Variants in GALNT2 observed in about 807,000 individuals in gnomAD.
GALNT2 encodes UDP-GalNAc:polypeptide N-acetylgalactosaminyltransferase 2.
GALNT2 carries 31 observed loss-of-function variants against 81.4 expected under a neutral mutation model. That is an observed-to-expected ratio of 0.38 (90% CI 0.29 to 0.51). The LOEUF (loss-of-function observed/expected upper bound fraction) is 0.51, where lower values mean the gene tolerates loss of function less well. Ranked by LOEUF, GALNT2 falls within the 20% of genes least tolerant of loss-of-function variation. The pLI is 0.87. For missense variants in GALNT2, 629 were observed against 765.7 expected, an observed-to-expected ratio of 0.82 and a Z score of 2.11; for synonymous variants, 303 against 287.4, an observed-to-expected ratio of 1.05 and a Z score of -0.55.
At chr1:230,132,025 A>G (rs1218042720) in intron 1 of GALNT2, among the ~76,000 whole-genome samples, 1 of 152,218 alleles carries the variant, frequency 6.6e-6, no homozygotes, top group Non-Finnish European at 1.5e-5. Flanking sequence ...GAAGGGCTGT[A>G]GAAGCTTAGG....
chr1:230,191,456 C>T (rs1009969557), intron 2 of GALNT2, among the ~76,000 whole-genome samples: 1 of 152,142 alleles, frequency 6.6e-6, no homozygotes, highest in African/African-American at 2.4e-5. Context: ...CTTTTTTTCT[C>T]TTTTTATTTG....
intron 1 of GALNT2, among the ~76,000 whole-genome samples, chr1:230,107,660 T>G (rs1163834517): frequency 7.1e-6 from 1 of 141,120 alleles, no homozygotes; most frequent in Non-Finnish European, 1.6e-5. Flanking sequence ...TTGGTTGGTT[T>G]AAGCCATGGA....
At chr1:230,191,184 A>G (rs1256878224) in intron 2 of GALNT2, among the ~76,000 whole-genome samples, 1 of 152,242 alleles carries the variant, frequency 6.6e-6, no homozygotes, top group Non-Finnish European at 1.5e-5. Context: ...GTCTAGAAGC[A>G]GTCACGTGAC....
chr1:230,220,405 A>T (rs1664510242), intron 3 of GALNT2, among the ~76,000 whole-genome samples: 1 of 152,140 alleles, frequency 6.6e-6, no homozygotes, highest in African/African-American at 2.4e-5. Flanking sequence ...ACCAGAGCCT[A>T]CTTTTGGGTT....
intron 1 of GALNT2, among the ~76,000 whole-genome samples, chr1:230,129,770 GC>G (rs934284600): frequency 6.6e-6 from 1 of 152,232 alleles, no homozygotes; most frequent in African/African-American, 2.4e-5. Flanking sequence ...TCTGCATGCT[GC>G]TGGGGGTTGG....
At chr1:230,073,280 C>T (rs1264012073) in intron 1 of GALNT2, among the ~76,000 whole-genome samples, 2 of 152,194 alleles carry the variant, frequency 1.3e-5, no homozygotes, top group African/African-American at 2.4e-5. Context: ...ATGATGAACC[C>T]AGTATGGAGT....
chr1:230,067,160 G>A (rs1021561591), upstream of GALNT2: 13 of 439,812 alleles, frequency 3.0e-5, no homozygotes, highest in Non-Finnish European at 4.3e-5. Flanking sequence ...CGCGCGGGAG[G>A]AGGAGCCGCC....
At position 230,271,956 on chromosome 1, in the gene GALNT2, G is replaced by A. The variant is rs550935218; in HGVS notation, c.1441-2489G>A. On this transcript the variant is annotated intron_variant, in intron 14 of 15. Transcript: ENST00000366672. This position sits in a 1 kb window ranked among gnomAD's most constrained non-coding sequence, Gnocchi z 4.2. Reference sequence around the variant, plus strand: ...CCTGGTCTTTCTGGTGACCAGCCCCGTCCAGGAGCCCATTAGAGTTGCTTC... The same window carrying A: ...CCTGGTCTTTCTGGTGACCAGCCCCATCCAGGAGCCCATTAGAGTTGCTTC... Among the ~76,000 whole-genome samples, 7 of 152,244 alleles carry A rather than the reference G, an allele frequency of 4.6e-5. No homozygotes were observed. The highest frequency in any genetic ancestry group is 3.4e-3 in the Middle Eastern group (1 of 294).
chr1:230,111,985 G>T (rs549786083), intron 1 of GALNT2, among the ~76,000 whole-genome samples: 1 of 151,828 alleles, frequency 6.6e-6, no homozygotes, highest in South Asian at 2.1e-4. Flanking sequence ...AGCCTACTGT[G>T]CAGGCTGGCT....
chr1:230,188,714 C>A (rs377133344), intron 2 of GALNT2, among the ~76,000 whole-genome samples: 2 of 152,168 alleles, frequency 1.3e-5, no homozygotes, highest in East Asian at 1.9e-4. Context: ...AACTCTGTGA[C>A]CCTTGCTTCT....
At chr1:230,094,107 C>T (rs1319411313) in intron 1 of GALNT2, among the ~76,000 whole-genome samples, 3 of 152,038 alleles carry the variant, frequency 2.0e-5, no homozygotes, top group African/African-American at 4.8e-5. Flanking sequence ...AAGCAATCCT[C>T]CTGCCTCAGC....
intron 3 of GALNT2, among the ~76,000 whole-genome samples, chr1:230,215,495 G>C (rs1416151889): frequency 6.6e-6 from 1 of 152,184 alleles, no homozygotes; most frequent in Non-Finnish European, 1.5e-5. Flanking sequence ...TTAGTGAGTA[G>C]GTTGGTCTAC....
Position 230,246,116 on chromosome 1 carries a change from T to C in GALNT2, c.783T>C (p.Phe261=). Residue 261 remains phenylalanine, a synonymous_variant, in exon 8 of 16, where the codon TTT becomes TTC. Coordinates refer to ENST00000366672, the MANE Select transcript of GALNT2 (RefSeq NM_004481.5). ...PIIDVINMDN[F]QYVGASADLK... ...TCGATGTCATTAATATGGACAACTTTCAGTATGTGGGGGCATCTGCTGACT... is the reference window on the plus strand; with the variant it reads ...TCGATGTCATTAATATGGACAACTTCCAGTATGTGGGGGCATCTGCTGACT... 1 of 1,614,088 alleles carries C rather than the reference T, an allele frequency of 6.2e-7. No individual in the cohort carries two copies. The highest frequency in any genetic ancestry group is 8.5e-7 in the Non-Finnish European group (1 of 1,179,994).
At position 230,262,578 on chromosome 1, in the gene GALNT2, C is replaced by T; in HGVS notation, c.1142C>T (p.Thr381Ile). ...AAGATTTATTTTCTTTCTAGAAACA[C>T]CCGCCGGGCAGCAGAGGTCTGGATG... ...GGSGTVFARN[T>I]RRAAEVWMDE... Residue 381 changes from threonine to isoleucine, a missense_variant, in exon 12 of 16, where the codon ACC (threonine) becomes ATC (isoleucine). By Grantham distance (89) the Thr-to-Ile change is moderately conservative. Transcript: ENST00000366672. The T allele has an allele frequency of 6.2e-7, 1 of 1,613,686 alleles. No individual in the cohort carries two copies. The highest frequency in any genetic ancestry group is 8.5e-7 in the Non-Finnish European group (1 of 1,179,586).
chr1:230,111,033 A>C (rs1032603838), intron 1 of GALNT2, among the ~76,000 whole-genome samples: 1 of 152,186 alleles, frequency 6.6e-6, no homozygotes, highest in East Asian at 1.9e-4. Context: ...GTGTACGTAT[A>C]TATACTGTGC....
intron 1 of GALNT2, among the ~76,000 whole-genome samples, chr1:230,099,943 G>A (rs767445020): frequency 6.6e-6 from 1 of 152,172 alleles, no homozygotes; most frequent in Non-Finnish European, 1.5e-5. Context: ...TTGGTGTTGC[G>A]GGCACAGCAC....
At position 230,193,321 on chromosome 1, in the gene GALNT2, A is replaced by G. The variant is rs1572070357; in HGVS notation, c.221-9816A>G. ...CAACGGGACCTGCATCCAGGAAGAT[A>G]CCTCCCCTCCCCTTGTACACCTGCG... is the stretch of plus-strand genomic sequence containing the variant. On this transcript the variant is annotated intron_variant, in intron 2 of 15. Coordinates refer to ENST00000366672, the MANE Select transcript of GALNT2 (RefSeq NM_004481.5). This position sits in a 1 kb window ranked among gnomAD's most constrained non-coding sequence, Gnocchi z 4.3. 6.6e-6 allele frequency among the ~76,000 whole-genome samples: 1 copy of G among 151,824 alleles called. No homozygotes were observed. The highest frequency in any genetic ancestry group is 2.1e-4 in the South Asian group (1 of 4,818).
At chr1:230,126,215 G>A (rs972918270) in intron 1 of GALNT2, among the ~76,000 whole-genome samples, 6 of 152,236 alleles carry the variant, frequency 3.9e-5, no homozygotes, top group African/African-American at 1.2e-4. Flanking sequence ...CAGAGCAGGA[G>A]TGTGGGGTTG....
At chr1:230,063,146 A>G (rs1157142762), upstream of GALNT2, among the ~76,000 whole-genome samples, 1 of 152,024 alleles carries the variant, frequency 6.6e-6, no homozygotes, top group Non-Finnish European at 1.5e-5. Flanking sequence ...CCCTGTCTCT[A>G]CTAGAAATAC....
Sources: gnomAD v4.1 joint callset for allele counts (sites outside exome capture counted in the v4.1 genomes callset) on GRCh38, gnomAD v4.1.1 for gene constraint, Gnocchi (gnomAD v3.1) non-coding constraint, MANE v1.5 for transcripts, NCBI Gene and HGNC (gene_info 2026-07-23, HGNC 2026-07-21) for gene names.